The following IMMP2L variants were observed in gnomAD, a reference collection of about 807,000 sequenced individuals.
The protein encoded by IMMP2L is inner mitochondrial membrane peptidase subunit 2.
In IMMP2L, 18 loss-of-function variants were observed where a neutral mutation model predicts 19.3. The observed-to-expected ratio is 0.93, with a 90% CI of 0.64 to 1.38. The LOEUF (loss-of-function observed/expected upper bound fraction) is 1.38, where lower values mean the gene tolerates loss of function less well. Ranked by LOEUF, IMMP2L falls within the 40% of genes most tolerant of loss-of-function variation. The probability of loss-of-function intolerance (pLI) is 0.00; values close to 1 mark genes in which losing one functional copy is unlikely to be tolerated. For missense variants in IMMP2L, 233 were observed against 218.2 expected, an observed-to-expected ratio of 1.07 and a Z score of -0.43; for synonymous variants, 76 against 73.0, an observed-to-expected ratio of 1.04 and a Z score of -0.21.
At chr7:111,371,529 A>G (rs1262499965) in intron 3 of IMMP2L, among the ~76,000 whole-genome samples, 1 of 152,052 alleles carries the variant, frequency 6.6e-6, no homozygotes, top group Non-Finnish European at 1.5e-5. Flanking sequence ...ATCCATCAAA[A>G]GAGGACTATA....
intron 5 of IMMP2L, among the ~76,000 whole-genome samples, chr7:110,807,378 T>C (rs2131251449): frequency 6.6e-6 from 1 of 152,132 alleles, no homozygotes; most frequent in South Asian, 2.1e-4. Context: ...TTCTGATGTG[T>C]GTTAAAAAAT....
At chr7:110,740,764 T>C (rs4730455) in intron 5 of IMMP2L, among the ~76,000 whole-genome samples, 50,186 of 151,882 alleles carry the variant, frequency 0.33, 10,117 homozygotes, top group East Asian at 0.68. Context: ...AAAATAGAGT[T>C]GGCATGGATG....
At chr7:111,519,021 G>A (rs1219146029) in intron 2 of IMMP2L, among the ~76,000 whole-genome samples, 1 of 152,054 alleles carries the variant, frequency 6.6e-6, no homozygotes, top group African/African-American at 2.4e-5. Flanking sequence ...GACCAATCAC[G>A]GTACCCCATT....
intron 5 of IMMP2L, among the ~76,000 whole-genome samples, chr7:110,823,410 A>C (rs1803206713): frequency 6.6e-6 from 1 of 152,180 alleles, no homozygotes; most frequent in African/African-American, 2.4e-5. Context: ...TACTCAACCC[A>C]AAAAGCAGTT....
intron 4 of IMMP2L, among the ~76,000 whole-genome samples, chr7:110,961,030 A>T (rs1466637534): frequency 6.6e-6 from 1 of 151,908 alleles, no homozygotes; most frequent in African/African-American, 2.4e-5. Flanking sequence ...AAATATTCAC[A>T]ATACCAAGTG....
chr7:111,014,814 G>A (rs1825341113), intron 3 of IMMP2L, among the ~76,000 whole-genome samples: 1 of 152,126 alleles, frequency 6.6e-6, no homozygotes, highest in African/African-American at 2.4e-5. Context: ...CAACAAGCTT[G>A]TGAAAATGCA....
At chr7:111,024,507 C>G (rs1378354676) in intron 3 of IMMP2L, among the ~76,000 whole-genome samples, 3 of 152,186 alleles carry the variant, frequency 2.0e-5, no homozygotes, top group African/African-American at 7.2e-5. Context: ...CCTTTCTATG[C>G]TGCATCTTGA....
intron 3 of IMMP2L, among the ~76,000 whole-genome samples, chr7:111,397,084 T>C (rs1054412497): frequency 1.6e-4 from 24 of 150,428 alleles, no homozygotes; most frequent in African/African-American, 5.9e-4. Flanking sequence ...CGAGACTCTA[T>C]CTCAAAAAAA....
intron 3 of IMMP2L, among the ~76,000 whole-genome samples, chr7:111,054,171 A>G (rs2129573473): frequency 6.6e-6 from 1 of 152,360 alleles, no homozygotes; most frequent in African/African-American, 2.4e-5. Flanking sequence ...ATATTTTAAT[A>G]TACAGGAATT....
At chr7:111,049,150 G>T in intron 3 of IMMP2L, among the ~76,000 whole-genome samples, 1 of 125,786 alleles carries the variant, frequency 8.0e-6, no homozygotes. Context: ...TTTTTTTTTG[G>T]GACGGAGTCT....
chr7:111,344,914 C>T (rs1584728870), intron 3 of IMMP2L, among the ~76,000 whole-genome samples: 1 of 152,038 alleles, frequency 6.6e-6, no homozygotes. Context: ...CACCTAAAGG[C>T]ACCAGGAAGA....
chr7:110,968,264 TAAA>T (rs201296331), intron 3 of IMMP2L, among the ~76,000 whole-genome samples: 2 of 144,920 alleles, frequency 1.4e-5, no homozygotes, highest in African/African-American at 5.0e-5. Context: ...ATTCATGCAT[TAAA>T]AAAAAAAAAA....
intron 3 of IMMP2L, among the ~76,000 whole-genome samples, chr7:111,148,494 A>G (rs1444611508): frequency 2.0e-5 from 3 of 152,114 alleles, no homozygotes; most frequent in Non-Finnish European, 4.4e-5. Context: ...ACGTACATTA[A>G]AAGTGTGAAA....
intron 4 of IMMP2L, among the ~76,000 whole-genome samples, chr7:110,958,794 G>C (rs1293045633): frequency 6.6e-6 from 1 of 151,990 alleles, no homozygotes; most frequent in African/African-American, 2.4e-5. Flanking sequence ...TTTCTCTCAG[G>C]TAATTCAGAC....
At chr7:110,684,005 T>C (rs890975063) in intron 5 of IMMP2L, among the ~76,000 whole-genome samples, 1 of 152,162 alleles carries the variant, frequency 6.6e-6, no homozygotes, top group African/African-American at 2.4e-5. Context: ...TTCCATATAC[T>C]GAAATTGCTA....
intron 3 of IMMP2L, among the ~76,000 whole-genome samples, chr7:111,032,957 C>T (rs142172980): frequency 0.016 from 2,437 of 151,614 alleles, 66 homozygotes; most frequent in African/African-American, 0.056. Context: ...CCATCTCTAC[C>T]ACAAATACAA....
intron 3 of IMMP2L, among the ~76,000 whole-genome samples, chr7:111,116,234 T>C (rs1203137400): frequency 6.6e-6 from 1 of 152,192 alleles, no homozygotes; most frequent in African/African-American, 2.4e-5. Flanking sequence ...GATTTGTTTA[T>C]GATCTGCATT....
intron 3 of IMMP2L, among the ~76,000 whole-genome samples, chr7:111,132,098 A>C (rs538514369): frequency 7.7e-4 from 117 of 152,084 alleles, no homozygotes; most frequent in African/African-American, 2.6e-3. Flanking sequence ...GAAAATGGGG[A>C]TAAAGAGTCT....
At chr7:111,215,837 A>T (rs1811868520) in intron 3 of IMMP2L, among the ~76,000 whole-genome samples, 1 of 152,028 alleles carries the variant, frequency 6.6e-6, no homozygotes, top group African/African-American at 2.4e-5. Flanking sequence ...TTCATTTCTC[A>T]TCTGTAAATG....
Sources: allele counts gnomAD v4.1 joint callset (sites outside exome capture counted in the v4.1 genomes callset), GRCh38; gene constraint gnomAD v4.1.1; transcripts MANE v1.5; gene names NCBI Gene and HGNC (gene_info 2026-07-23, HGNC 2026-07-21).